The following ST3GAL3 variants were observed in gnomAD, a reference collection of about 807,000 sequenced individuals.
The protein encoded by ST3GAL3 is CMP-N-acetylneuraminate-beta-1,4-galactoside alpha-2,3-sialyltransferase.
Under a neutral mutation model 50.1 loss-of-function variants are expected in ST3GAL3, and 21 were observed. The ratio of observed to expected loss-of-function variants is 0.42; its 90% CI spans 0.30 to 0.60. The LOEUF is 0.60. Among genes scored for constraint, ST3GAL3 ranks in the 20% least tolerant of loss-of-function variants. The pLI, the probability that ST3GAL3 is intolerant of heterozygous loss-of-function variation, is 0.19. For missense variants in ST3GAL3, 353 were observed against 489.4 expected, an observed-to-expected ratio of 0.72 and a Z score of 2.63; for synonymous variants, 183 against 190.0, an observed-to-expected ratio of 0.96 and a Z score of 0.30.
intron 5 of ST3GAL3, among the ~76,000 whole-genome samples, chr1:43,889,390 A>G (rs1570741824): frequency 6.6e-6 from 1 of 152,228 alleles, no homozygotes; most frequent in Non-Finnish European, 1.5e-5. Flanking sequence ...GCAAAACTCT[A>G]TATCATCATT....
At chr1:43,720,160 T>A (rs1332626439) in intron 1 of ST3GAL3, among the ~76,000 whole-genome samples, 1 of 151,290 alleles carries the variant, frequency 6.6e-6, no homozygotes, top group Non-Finnish European at 1.5e-5. Context: ...GCCTAGGAGG[T>A]TGCAGCTGCA....
intron 4 of ST3GAL3, among the ~76,000 whole-genome samples, chr1:43,815,418 A>G (rs984374251): frequency 1.3e-5 from 2 of 151,924 alleles, no homozygotes; most frequent in African/African-American, 4.8e-5. Context: ...TGTGCCTGAA[A>G]TTTTCTTTCC....
chr1:43,846,838 T>C (rs2066336689), intron 5 of ST3GAL3, among the ~76,000 whole-genome samples: 1 of 152,144 alleles, frequency 6.6e-6, no homozygotes, highest in Non-Finnish European at 1.5e-5. Context: ...TTTAAAATAA[T>C]TTAAAAATGA....
chr1:43,856,234 G>A (rs576553307), intron 5 of ST3GAL3, among the ~76,000 whole-genome samples: 12 of 152,366 alleles, frequency 7.9e-5, no homozygotes, highest in East Asian at 3.9e-4. Context: ...GGAAGTTTCA[G>A]TGTTTTTACA....
chr1:43,867,308 T>C (rs1403509695), intron 5 of ST3GAL3, among the ~76,000 whole-genome samples: 1 of 152,076 alleles, frequency 6.6e-6, no homozygotes, highest in African/African-American at 2.4e-5. Context: ...ACCATATCAG[T>C]AGGAAAATTG....
At chr1:43,872,277 T>TG (rs1452302608) in intron 5 of ST3GAL3, among the ~76,000 whole-genome samples, 2 of 51,820 alleles carry the variant, frequency 3.9e-5, no homozygotes, top group Non-Finnish European at 3.6e-5. Context: ...GGAGGGGCTG[T>TG]GGGGGGGACG....
chr1:43,894,090 G>A (rs760451201), intron 5 of ST3GAL3: 94 of 444,008 alleles, frequency 2.1e-4, no homozygotes, highest in Non-Finnish European at 3.6e-4. Flanking sequence ...CAACCTTCCA[G>A]AGAGCTTCCA....
chr1:43,824,690 T>G lies in ST3GAL3; in HGVS notation c.209+9757T>G, dbSNP rs764412639. 1.9e-6 allele frequency: 3 copies of G among 1,613,124 alleles called. No homozygotes were observed. In the African/African-American group the frequency reaches 4.0e-5, roughly 22 times the overall value. ...AGACTTTCTCCTAGACATCTTGAGC[T>G]ATGTGATCAAGACTGAAAAAGCCAA... On this transcript the variant is annotated intron_variant, in intron 4 of 11. Transcript: ENST00000347631.
intron 2 of ST3GAL3, among the ~76,000 whole-genome samples, chr1:43,785,471 AC>A (rs1161897668): frequency 6.6e-6 from 1 of 152,218 alleles, no homozygotes; most frequent in African/African-American, 2.4e-5. Flanking sequence ...AAGAGTATTA[AC>A]TATAGGCAAG....
chr1:43,793,342 T>C (rs978382850), intron 3 of ST3GAL3, among the ~76,000 whole-genome samples: 3 of 152,200 alleles, frequency 2.0e-5, no homozygotes, highest in Non-Finnish European at 4.4e-5. Context: ...GGGGTATCCA[T>C]TATCTGAAGC....
At chr1:43,851,156 G>T (rs922709246) in intron 5 of ST3GAL3, 4 of 1,328,706 alleles carry the variant, frequency 3.0e-6, no homozygotes, top group Non-Finnish European at 3.3e-6. Context: ...GATCAGCTTC[G>T]GGTGGAAGAG....
chr1:43,824,887 G>A, intron 4 of ST3GAL3: 1 of 776,530 alleles, frequency 1.3e-6, no homozygotes. Flanking sequence ...TTTTAAAGCT[G>A]CCCAGGTGAG....
At chr1:43,816,023 T>A (rs2061200672) in intron 4 of ST3GAL3, among the ~76,000 whole-genome samples, 1 of 152,292 alleles carries the variant, frequency 6.6e-6, no homozygotes, top group Non-Finnish European at 1.5e-5. Context: ...CCTGCAAGCC[T>A]GCTCACATGG....
chr1:43,716,046 A>G (rs573737483), intron 1 of ST3GAL3, among the ~76,000 whole-genome samples: 31 of 152,318 alleles, frequency 2.0e-4, no homozygotes, highest in Non-Finnish European at 3.8e-4. Flanking sequence ...TGTGACTTTT[A>G]TATCCTTCTG....
intron 9 of ST3GAL3, chr1:43,920,165 A>G: frequency 1.8e-6 from 1 of 568,300 alleles, no homozygotes; most frequent in African/African-American, 1.9e-5. Context: ...CTCCCTTCGT[A>G]TCCTCCTCTG....
At chr1:43,821,711 G>A (rs560234477) in intron 4 of ST3GAL3, among the ~76,000 whole-genome samples, 8 of 152,310 alleles carry the variant, frequency 5.3e-5, no homozygotes, top group Non-Finnish European at 1.0e-4. Context: ...CACTCAGGCT[G>A]CTACGTGCAG....
intron 1 of ST3GAL3, among the ~76,000 whole-genome samples, chr1:43,733,623 C>T (rs185557599): frequency 2.4e-4 from 37 of 152,214 alleles, no homozygotes; most frequent in African/African-American, 7.9e-4. Context: ...TGAGTTGGTT[C>T]GATATCTGGC....
chr1:43,820,387 G>A (rs1049175437), intron 4 of ST3GAL3, among the ~76,000 whole-genome samples: 4 of 152,096 alleles, frequency 2.6e-5, no homozygotes, highest in Admixed American at 6.5e-5. Context: ...CTCATCATTG[G>A]CTTTGGCAAA....
At chr1:43,906,328 CTTT>C (rs2079661265) in intron 9 of ST3GAL3, among the ~76,000 whole-genome samples, 1 of 145,054 alleles carries the variant, frequency 6.9e-6, no homozygotes, top group East Asian at 2.2e-4. Context: ...TACCACTCTT[CTTT>C]CTCCTCCTCC....
Sources: gnomAD v4.1 joint callset for allele counts (sites outside exome capture counted in the v4.1 genomes callset) on GRCh38, gnomAD v4.1.1 for gene constraint, MANE v1.5 for transcripts, NCBI Gene and HGNC (gene_info 2026-07-23, HGNC 2026-07-21) for gene names.